The following FBN2 variants were observed in gnomAD, a reference collection of about 807,000 sequenced individuals.
FBN2 encodes fibrillin 2.
In FBN2, 105 loss-of-function variants were observed where a neutral mutation model predicts 355.6. The observed-to-expected ratio is 0.30, with a 90% CI of 0.25 to 0.35. The LOEUF (loss-of-function observed/expected upper bound fraction) is 0.35. Ranked by LOEUF, FBN2 falls within the 10% of genes least tolerant of loss-of-function variation. The pLI is 1.00. For synonymous variants in FBN2, 1,350 were observed against 1,301.2 expected, an observed-to-expected ratio of 1.04 and a Z score of -0.81; for missense variants, 3,280 against 3,758.7, an observed-to-expected ratio of 0.87 and a Z score of 3.33.
chr5:128,439,647 G>A (rs1302597204), intron 7 of FBN2, among the ~76,000 whole-genome samples: 1 of 151,972 alleles, frequency 6.6e-6, no homozygotes, highest in Non-Finnish European at 1.5e-5. Flanking sequence ...TGTGTGTTAT[G>A]AGTTACAAAT....
At position 128,364,584 on chromosome 5, in the gene FBN2, A is replaced by G; in HGVS notation, c.2428+16T>C. On this transcript the variant is annotated intron_variant, in intron 18 of 64. Transcript: ENST00000262464. ...CTATATGAAATGTTCTTGCATAAAT[A>G]TAACAAATAACTTACCAATACAGTT... The G allele has an allele frequency of 6.2e-7, 1 of 1,611,642 alleles. No homozygotes were observed.
At position 128,289,248 on chromosome 5, in the gene FBN2, G is replaced by C; in HGVS notation, c.6516C>G (p.Val2172=). ...VPSLHDTRED[V]NECLESPGIC... is the part of the protein sequence containing the mutation. ...TGCCTGGGCTCTCAAGACACTCATT[G>C]ACATCTAAAATATAGAACTGCATGT... Residue 2172 remains valine, a synonymous_variant, in exon 52 of 65, where the codon GTC becomes GTG. Coordinates refer to ENST00000262464, the MANE Select transcript of FBN2 (RefSeq NM_001999.4). 6.2e-7 allele frequency: 1 copy of C among 1,613,872 alleles called. No individual in the cohort carries two copies. The highest frequency in any genetic ancestry group is 8.5e-7 in the Non-Finnish European group (1 of 1,179,822).
intron 8 of FBN2, among the ~76,000 whole-genome samples, chr5:128,406,390 C>T (rs1463449678): frequency 6.6e-6 from 1 of 152,170 alleles, no homozygotes; most frequent in African/African-American, 2.4e-5. Context: ...CATGGATAGA[C>T]TTGTTCTTAC....
At chr5:128,314,801 T>C (rs990497537) in intron 36 of FBN2, among the ~76,000 whole-genome samples, 2 of 152,258 alleles carry the variant, frequency 1.3e-5, no homozygotes, top group African/African-American at 4.8e-5. Context: ...TGTGTTCATT[T>C]TAAATGTACA....
At chr5:128,504,241 C>G (rs1755893409) in intron 5 of FBN2, among the ~76,000 whole-genome samples, 1 of 152,162 alleles carries the variant, frequency 6.6e-6, no homozygotes, top group Non-Finnish European at 1.5e-5. Flanking sequence ...TCTGCTAGGG[C>G]AGTGTGGAAG....
At chr5:128,456,792 T>G (rs949169483) in intron 6 of FBN2, among the ~76,000 whole-genome samples, 1 of 151,524 alleles carries the variant, frequency 6.6e-6, no homozygotes, top group African/African-American at 2.4e-5. Context: ...AAAAACCCCA[T>G]CCAAGGGTCA....
intron 48 of FBN2, among the ~76,000 whole-genome samples, chr5:128,295,576 G>A (rs1407937157): frequency 1.5e-5 from 2 of 136,416 alleles, no homozygotes; most frequent in Non-Finnish European, 3.1e-5. Context: ...GGATTCCTAG[G>A]TATTTTATTC....
At chr5:128,353,382 A>T (rs1028881213) in intron 20 of FBN2, among the ~76,000 whole-genome samples, 1 of 152,222 alleles carries the variant, frequency 6.6e-6, no homozygotes, top group Non-Finnish European at 1.5e-5. Flanking sequence ...ATAAAAAGTT[A>T]CAGGGCAAAG....
At chr5:128,463,284 T>C (rs1754608410) in intron 6 of FBN2, among the ~76,000 whole-genome samples, 2 of 152,046 alleles carry the variant, frequency 1.3e-5, no homozygotes, top group Non-Finnish European at 2.9e-5. Context: ...ACTCTATATA[T>C]TCAGACTAAT....
chr5:128,504,768 C>T (rs1158205979), intron 5 of FBN2, among the ~76,000 whole-genome samples: 2 of 152,098 alleles, frequency 1.3e-5, no homozygotes, highest in East Asian at 3.8e-4. Context: ...TAGGTTAATG[C>T]TAGAATGAGC....
chr5:128,358,339 G>A (rs1751556404), intron 19 of FBN2, among the ~76,000 whole-genome samples: 1 of 152,038 alleles, frequency 6.6e-6, no homozygotes. Flanking sequence ...ATCTGAAAGA[G>A]GTCAATAGTC....
Position 128,441,061 on chromosome 5 carries a change from C to A in FBN2, c.952+5420G>T, listed in dbSNP as rs939502151. On this transcript the variant is annotated intron_variant, in intron 7 of 64. Coordinates refer to ENST00000262464, the MANE Select transcript of FBN2 (RefSeq NM_001999.4). ...TGACGATACAAATAAAAAGTTCTCC[C>A]AACCAGGAAGGCTCAAGTGAAGAAA... Among the ~76,000 whole-genome samples, 7 of 152,194 alleles carry A rather than the reference C, an allele frequency of 4.6e-5. No individual in the cohort carries two copies. In the East Asian group the frequency reaches 1.2e-3, roughly 25 times the overall value.
chr5:128,303,233 T>G (rs1461639699), intron 45 of FBN2, 144 bp from the exon 46 acceptor site: 1 of 654,684 alleles, frequency 1.5e-6, no homozygotes, highest in Non-Finnish European at 2.7e-6. Flanking sequence ...GGAAAATGAG[T>G]AAGAGATACG....
chr5:128,536,823 C>T (rs540044717), intron 1 of FBN2, among the ~76,000 whole-genome samples: 2 of 152,296 alleles, frequency 1.3e-5, no homozygotes, highest in East Asian at 3.9e-4. Context: ...AGAATCCTTG[C>T]CCTCCTTCCC....
chr5:128,371,489 T>TTCCC (rs199991704), intron 15 of FBN2, among the ~76,000 whole-genome samples: 8,476 of 136,348 alleles, frequency 0.062, 370 homozygotes, highest in Non-Finnish European at 0.095. Context: ...CCTTCCTTTC[T>TTCCC]TCCCTCCCTC....
chr5:128,331,785 G>A (rs1750699479), intron 32 of FBN2, among the ~76,000 whole-genome samples: 1 of 152,146 alleles, frequency 6.6e-6, no homozygotes, highest in African/African-American at 2.4e-5. Flanking sequence ...ACATCCTGGA[G>A]CACAGGAGGC....
Position 128,272,113 on chromosome 5 carries a change from C to G in FBN2, c.7846G>C (p.Asp2616His). 1 of 1,614,012 alleles carries G rather than the reference C, an allele frequency of 6.2e-7. No individual in the cohort carries two copies. The highest frequency in any genetic ancestry group is 8.5e-7 in the Non-Finnish European group (1 of 1,179,956). ...CACCTGTGGTTCCCATCACATTCATCAACATCTGCAAAAACAAGCCCGGCA... is the reference window on the plus strand; with the variant it reads ...CACCTGTGGTTCCCATCACATTCATGAACATCTGCAAAAACAAGCCCGGCA... ...DATGLNCEDV[D>H]ECDGNHRCQH... The change falls in exon 62 of 65, where the codon GAT (aspartate) becomes CAT (histidine). Residue 2616 changes from aspartate (D) to histidine (H), a missense_variant. Asp to His is a moderately conservative substitution (Grantham distance 81, BLOSUM62 -1). Coordinates refer to ENST00000262464, the MANE Select transcript of FBN2 (RefSeq NM_001999.4).
intron 6 of FBN2, among the ~76,000 whole-genome samples, chr5:128,461,324 A>C (rs1032286011): frequency 8.5e-5 from 13 of 152,170 alleles, no homozygotes; most frequent in Non-Finnish European, 1.5e-5. Flanking sequence ...CACCATTCAG[A>C]ATGGTGATTA....
chr5:128,506,784 A>T (rs999861542), intron 5 of FBN2, among the ~76,000 whole-genome samples: 1 of 152,024 alleles, frequency 6.6e-6, no homozygotes, highest in African/African-American at 2.4e-5. Flanking sequence ...ATTCTCTTCT[A>T]TTCTTTATCT....
Sources: gnomAD v4.1 joint callset for allele counts (sites outside exome capture counted in the v4.1 genomes callset) on GRCh38, gnomAD v4.1.1 for gene constraint, MANE v1.5 for transcripts, NCBI Gene and HGNC (gene_info 2026-07-23, HGNC 2026-07-21) for gene names.